Variants in IL20RB observed in about 807,000 individuals in gnomAD.
The protein encoded by IL20RB is interleukin 20 receptor subunit beta.
A neutral mutation model predicts 33.3 loss-of-function variants in IL20RB; 21 were observed. The ratio of observed to expected loss-of-function variants is 0.63; its 90% CI spans 0.45 to 0.91. The LOEUF (loss-of-function observed/expected upper bound fraction) is 0.91. Ranked by LOEUF, IL20RB falls within the 40% of genes least tolerant of loss-of-function variation. The pLI, the probability that IL20RB is intolerant of heterozygous loss-of-function variation, is 0.00. For missense variants in IL20RB, 345 were observed against 384.8 expected (o/e 0.90, Z 0.86); for synonymous variants, 147 against 146.8 (o/e 1.00, Z -0.01).
intron 3 of IL20RB, among the ~76,000 whole-genome samples, chr3:136,983,152 A>C (rs1462812678): frequency 1.3e-5 from 2 of 151,696 alleles, no homozygotes; most frequent in Non-Finnish European, 2.9e-5. Flanking sequence ...CAGTGGCGTG[A>C]TCTCAGCTCA....
At chr3:137,000,670 C>T (rs1031554754) in intron 6 of IL20RB, among the ~76,000 whole-genome samples, 2 of 152,198 alleles carry the variant, frequency 1.3e-5, no homozygotes, top group Non-Finnish European at 2.9e-5. Context: ...AGAGGAATCC[C>T]TTGACCTAAT....
rs202158990 is a variant in IL20RB at position 136,982,814 on chromosome 3, T to G, written c.406+464T>G. Reference sequence around the variant, plus strand: ...CAGAAAATTGCCCTTCTGTAATGACTTCTGTGGGAAATAAATAACTTTTCT... The same window carrying G: ...CAGAAAATTGCCCTTCTGTAATGACGTCTGTGGGAAATAAATAACTTTTCT... On this transcript the variant is annotated intron_variant, in intron 3 of 6. Coordinates refer to ENST00000329582, the MANE Select transcript of IL20RB (RefSeq NM_144717.4). 9.2e-5 allele frequency among the ~76,000 whole-genome samples: 14 copies of G among 152,342 alleles called. No homozygotes were observed. The East Asian group carries it at 2.3e-3, about 25-fold the overall frequency.
rs1040716412 is a variant in IL20RB, at chr3:137,010,285, G to A, written c.*62G>A. 6.2e-5 allele frequency: 50 copies of A among 804,528 alleles called. No individual in the cohort carries two copies. The highest frequency in any genetic ancestry group is 2.3e-4 in the Middle Eastern group (1 of 4,408). The allele number at this position is 804,528 out of a possible 1,614,324, so 49.8% of individuals were successfully genotyped here. On this transcript the variant is annotated 3_prime_UTR_variant, in exon 7 of 7. Transcript: ENST00000329582. ...TCTGCATGACATGGAAACCATGAGGGGACAAGTTGTGTTTCTGTTTTCCGC... is the reference window on the plus strand; with the variant it reads ...TCTGCATGACATGGAAACCATGAGGAGACAAGTTGTGTTTCTGTTTTCCGC...
Position 137,004,380 on chromosome 3 carries a change from G to A in IL20RB, c.826-5733G>A, listed in dbSNP as rs549339693. On this transcript the variant is annotated intron_variant, in intron 6 of 6. Transcript: ENST00000329582. Reference sequence around the variant, plus strand: ...TGTACCGCTGGTAGAATTCGGCTGTGAATCCGTCTGGTCCTGGACTTTTTT... The same window carrying A: ...TGTACCGCTGGTAGAATTCGGCTGTAAATCCGTCTGGTCCTGGACTTTTTT... Among the ~76,000 whole-genome samples the A allele has an allele frequency of 1.6e-4, 24 of 152,330 alleles. No homozygotes were observed. The South Asian group carries it at 4.1e-3, about 26-fold the overall frequency.
At chr3:136,962,667 G>A (rs531387227) in intron 1 of IL20RB, among the ~76,000 whole-genome samples, 2 of 151,310 alleles carry the variant, frequency 1.3e-5, no homozygotes, top group South Asian at 4.2e-4. Flanking sequence ...CAGGAGAATC[G>A]CTTGAACCTG....
intron 3 of IL20RB, among the ~76,000 whole-genome samples, chr3:136,982,960 C>G (rs1428485263): frequency 6.6e-6 from 1 of 152,138 alleles, no homozygotes. Context: ...GTTTGCGGAA[C>G]AGGAGAGGCA....
At chr3:137,001,656 C>T (rs1942244845) in intron 6 of IL20RB, among the ~76,000 whole-genome samples, 1 of 152,160 alleles carries the variant, frequency 6.6e-6, no homozygotes, top group Non-Finnish European at 1.5e-5. Context: ...TTTAATTTAT[C>T]TGTATGGACG....
intron 6 of IL20RB, among the ~76,000 whole-genome samples, chr3:137,005,899 G>C (rs1347863402): frequency 6.6e-6 from 1 of 152,190 alleles, no homozygotes; most frequent in African/African-American, 2.4e-5. Context: ...GCAGTGGCTG[G>C]TACTGGTTGT....
intron 1 of IL20RB, among the ~76,000 whole-genome samples, chr3:136,978,491 T>C (rs1049582201): frequency 2.0e-5 from 3 of 152,138 alleles, no homozygotes; most frequent in African/African-American, 7.2e-5. Flanking sequence ...TCATAATGAA[T>C]GGATGTGGGT....
chr3:136,962,664 A>G (rs1156501304), intron 1 of IL20RB, among the ~76,000 whole-genome samples: 1 of 151,634 alleles, frequency 6.6e-6, no homozygotes, highest in Non-Finnish European at 1.5e-5. Flanking sequence ...AGGCAGGAGA[A>G]TCGCTTGAAC....
chr3:136,969,703 G>A (rs1025678115), intron 1 of IL20RB, among the ~76,000 whole-genome samples: 1 of 152,194 alleles, frequency 6.6e-6, no homozygotes, highest in African/African-American at 2.4e-5. Context: ...GTTCACCAGA[G>A]CTGTTCCTAT....
intron 6 of IL20RB, among the ~76,000 whole-genome samples, chr3:136,999,665 T>G (rs1317105348): frequency 6.6e-6 from 1 of 152,154 alleles, no homozygotes; most frequent in African/African-American, 2.4e-5. Flanking sequence ...CCATTCATTT[T>G]TATAAAAAAC....
At chr3:137,001,258 T>C (rs192140809) in intron 6 of IL20RB, among the ~76,000 whole-genome samples, 21 of 152,356 alleles carry the variant, frequency 1.4e-4, no homozygotes, top group Non-Finnish European at 2.6e-4. Flanking sequence ...TCCTACATCA[T>C]TCTGATGTCT....
intron 1 of IL20RB, among the ~76,000 whole-genome samples, chr3:136,961,696 T>C (rs1456185095): frequency 4.6e-5 from 7 of 152,172 alleles, no homozygotes; most frequent in African/African-American, 1.4e-4. Flanking sequence ...AAATAAAGTC[T>C]GGAGTTTAGT....
At chr3:136,986,958 G>A (rs566087840) in intron 3 of IL20RB, among the ~76,000 whole-genome samples, 1 of 151,968 alleles carries the variant, frequency 6.6e-6, no homozygotes, top group African/African-American at 2.4e-5. Flanking sequence ...GGAGTTGTTC[G>A]TTCCTCCTGG....
chr3:136,974,089 C>T (rs756870796), intron 1 of IL20RB, among the ~76,000 whole-genome samples: 2 of 151,868 alleles, frequency 1.3e-5, no homozygotes, highest in Non-Finnish European at 2.9e-5. Context: ...TTTTTCCTGT[C>T]ATATTGTTAA....
At chr3:137,004,173 A>C in intron 6 of IL20RB, among the ~76,000 whole-genome samples, 1 of 152,202 alleles carries the variant, frequency 6.6e-6, no homozygotes, top group Non-Finnish European at 1.5e-5. Context: ...CCAGTATTTT[A>C]TTGAGAATTT....
At chr3:136,985,320 A>G (rs1347671287) in intron 3 of IL20RB, among the ~76,000 whole-genome samples, 2 of 143,918 alleles carry the variant, frequency 1.4e-5, no homozygotes, top group African/African-American at 2.6e-5. Context: ...AAGGATCCCT[A>G]CTGTCTCTCT....
At chr3:136,969,834 G>A (rs1941425844) in intron 1 of IL20RB, among the ~76,000 whole-genome samples, 1 of 151,948 alleles carries the variant, frequency 6.6e-6, no homozygotes. Flanking sequence ...CTTTTGCATA[G>A]CAAAAGTTTT....
Sources: allele counts gnomAD v4.1 joint callset (sites outside exome capture counted in the v4.1 genomes callset), GRCh38; gene constraint gnomAD v4.1.1; transcripts MANE v1.5; gene names NCBI Gene and HGNC (gene_info 2026-07-23, HGNC 2026-07-21).